Variants in CYP7B1 observed in about 807,000 individuals in gnomAD.
CYP7B1 encodes cytochrome P450 family 7 subfamily B member 1.
A neutral mutation model predicts 42.7 loss-of-function variants in CYP7B1; 29 were observed. The observed-to-expected ratio is 0.68, with a 90% CI of 0.51 to 0.93. The LOEUF (loss-of-function observed/expected upper bound fraction) is 0.93, where lower values mean the gene tolerates loss of function less well. Ranked by LOEUF, CYP7B1 falls within the 40% of genes least tolerant of loss-of-function variation. The pLI is 0.00. For synonymous variants in CYP7B1, 235 were observed against 218.2 expected (o/e 1.08, Z -0.68); for missense variants, 655 against 600.5 (o/e 1.09, Z -0.95).
At chr8:64,794,770 G>A (rs1402069750) in intron 1 of CYP7B1, among the ~76,000 whole-genome samples, 2 of 152,188 alleles carry the variant, frequency 1.3e-5, no homozygotes, top group African/African-American at 4.8e-5. Context: ...GAGAGAATCT[G>A]TAAATATCTC....
intron 1 of CYP7B1, among the ~76,000 whole-genome samples, chr8:64,692,693 T>C (rs1806766076): frequency 6.6e-6 from 1 of 152,218 alleles, no homozygotes; most frequent in African/African-American, 2.4e-5. Flanking sequence ...TTTCCACACC[T>C]GTATTATAAT....
chr8:64,744,434 C>T (rs1390843992), intron 1 of CYP7B1, among the ~76,000 whole-genome samples: 5 of 151,934 alleles, frequency 3.3e-5, no homozygotes, highest in African/African-American at 7.3e-5. Context: ...TCCATCAGCT[C>T]AACCCCATTC....
chr8:64,711,041 A>T (rs72656474), intron 1 of CYP7B1, among the ~76,000 whole-genome samples: 2,555 of 152,232 alleles, frequency 0.017, 36 homozygotes, highest in Non-Finnish European at 0.023. Flanking sequence ...AAACAAGCAC[A>T]TTGCAGTTTG....
chr8:64,658,416 T>C (rs1295519589), intron 1 of CYP7B1, among the ~76,000 whole-genome samples: 2 of 152,190 alleles, frequency 1.3e-5, no homozygotes, highest in Non-Finnish European at 2.9e-5. Context: ...TAAAAACTTA[T>C]GAAGAGTACT....
In CYP7B1 at chr8:64,699,188, C is replaced by T. The variant is rs182186740; in HGVS notation, c.123-74649G>A. Among the ~76,000 whole-genome samples, 17 of 152,188 alleles carry T rather than the reference C, an allele frequency of 1.1e-4. No homozygotes were observed. The East Asian group carries it at 3.3e-3, about 29-fold the overall frequency. The stretch of plus-strand genomic sequence containing the variant: ...TTGTCAAAACCTCTATCTGTCAAGG[C>T]CTTCACAAAGAGTTGAAAAATGACA... On this transcript the variant is annotated intron_variant, in intron 1 of 5. Transcript: ENST00000310193.
chr8:64,753,271 C>A lies in CYP7B1; in HGVS notation c.122+45195G>T, dbSNP rs186277226. 2.0e-4 allele frequency among the ~76,000 whole-genome samples: 30 copies of A among 152,266 alleles called. 1 individual carries two copies. In the East Asian group the frequency reaches 5.8e-3, roughly 29 times the overall value. On this transcript the variant is annotated intron_variant, in intron 1 of 5. Transcript: ENST00000310193. ...AAAACAAATGCCAAATACCTACTAT[C>A]TGGGTTTGTTCTTGATTTCCAATTT...
chr8:64,702,048 G>A (rs1383667675), intron 1 of CYP7B1, among the ~76,000 whole-genome samples: 4 of 151,952 alleles, frequency 2.6e-5, no homozygotes, highest in African/African-American at 4.8e-5. Flanking sequence ...GAACACGACC[G>A]GTGCTTTAAC....
At chr8:64,685,273 T>C (rs1335598603) in intron 1 of CYP7B1, among the ~76,000 whole-genome samples, 1 of 144,594 alleles carries the variant, frequency 6.9e-6, no homozygotes, top group Non-Finnish European at 1.5e-5. Context: ...TTGCAGCCTC[T>C]GCCCGGCTGC....
intron 1 of CYP7B1, among the ~76,000 whole-genome samples, chr8:64,766,413 T>C (rs1807973827): frequency 2.0e-5 from 3 of 152,040 alleles, no homozygotes; most frequent in Non-Finnish European, 2.9e-5. Flanking sequence ...TTCAAAAGTC[T>C]GCCTTAGGCC....
intron 5 of CYP7B1, among the ~76,000 whole-genome samples, chr8:64,597,230 C>G (rs1239069498): frequency 6.6e-6 from 1 of 152,118 alleles, no homozygotes; most frequent in Non-Finnish European, 1.5e-5. Flanking sequence ...TTTTTGCTCC[C>G]TAAGGTGGGT....
intron 4 of CYP7B1, among the ~76,000 whole-genome samples, chr8:64,610,001 T>G (rs946576132): frequency 1.3e-5 from 2 of 152,152 alleles, no homozygotes; most frequent in Non-Finnish European, 2.9e-5. Flanking sequence ...ATGCAAAGTG[T>G]TTAAAGCCTC....
At chr8:64,761,468 C>G (rs1351313045) in intron 1 of CYP7B1, among the ~76,000 whole-genome samples, 1 of 151,720 alleles carries the variant, frequency 6.6e-6, no homozygotes, top group African/African-American at 2.4e-5. Flanking sequence ...TTTTTATTTA[C>G]CAATTATGTG....
intron 1 of CYP7B1, among the ~76,000 whole-genome samples, chr8:64,650,647 C>CA (rs1241714442): frequency 1.3e-5 from 2 of 151,204 alleles, no homozygotes; most frequent in African/African-American, 2.4e-5. Context: ...GACTCTGTCT[C>CA]AAAAAAACAA....
chr8:64,735,663 G>C (rs973213145), intron 1 of CYP7B1, among the ~76,000 whole-genome samples: 2 of 152,048 alleles, frequency 1.3e-5, no homozygotes, highest in Non-Finnish European at 2.9e-5. Flanking sequence ...TTTTGTTACG[G>C]GGAAGGGGGA....
At chr8:64,785,690 T>G (rs1804514027) in intron 1 of CYP7B1, among the ~76,000 whole-genome samples, 1 of 151,822 alleles carries the variant, frequency 6.6e-6, no homozygotes, top group Non-Finnish European at 1.5e-5. Context: ...AATCAGTGGT[T>G]GCCAAAGGTT....
intron 1 of CYP7B1, among the ~76,000 whole-genome samples, chr8:64,743,981 T>G (rs1202823264): frequency 6.6e-6 from 1 of 152,210 alleles, no homozygotes; most frequent in Non-Finnish European, 1.5e-5. Context: ...GCACCTCAGG[T>G]CATCATTCAA....
intron 1 of CYP7B1, among the ~76,000 whole-genome samples, chr8:64,690,827 G>A (rs1171001819): frequency 1.3e-5 from 2 of 152,148 alleles, no homozygotes; most frequent in African/African-American, 2.4e-5. Context: ...ACATCCCCAG[G>A]CATTCACTTT....
chr8:64,787,203 T>G (rs917997067), intron 1 of CYP7B1, among the ~76,000 whole-genome samples: 1 of 152,080 alleles, frequency 6.6e-6, no homozygotes, highest in Admixed American at 6.5e-5. Flanking sequence ...TCCTTACTTA[T>G]GCAAATTTCT....
At chr8:64,618,561 AC>A (rs1278122095) in intron 2 of CYP7B1, among the ~76,000 whole-genome samples, 1 of 116,634 alleles carries the variant, frequency 8.6e-6, no homozygotes, top group Non-Finnish European at 1.8e-5. Context: ...ACAAATACAC[AC>A]ATTCATTTTC....
Sources: gnomAD v4.1 joint callset for allele counts (sites outside exome capture counted in the v4.1 genomes callset) on GRCh38, gnomAD v4.1.1 for gene constraint, MANE v1.5 for transcripts, NCBI Gene and HGNC (gene_info 2026-07-23, HGNC 2026-07-21) for gene names.